GNA15: variants seen among roughly 807,000 people sequenced by gnomAD.
GNA15 encodes guanine nucleotide-binding protein subunit alpha-15.
In GNA15, 23 loss-of-function variants were observed where a neutral mutation model predicts 40.1. The observed-to-expected ratio is 0.57, with a 90% CI of 0.41 to 0.81. The LOEUF (loss-of-function observed/expected upper bound fraction) is 0.81, where lower values mean the gene tolerates loss of function less well. Ranked by LOEUF, GNA15 falls within the 40% of genes least tolerant of loss-of-function variation. The probability of loss-of-function intolerance (pLI) is 0.00; values close to 1 mark genes in which losing one functional copy is unlikely to be tolerated. For missense variants in GNA15, 522 were observed against 515.8 expected (o/e 1.01, Z -0.12); for synonymous variants, 226 against 210.4 (o/e 1.07, Z -0.64).
chr19:3,150,379 C>T (rs958788197), intron 3 of GNA15, 94 bp downstream of exon 3: 12 of 1,096,854 alleles, frequency 1.1e-5, no homozygotes, highest in African/African-American at 1.6e-5. Flanking sequence ...ATATTGTGGG[C>T]GCAGATGGGC....
chr19:3,150,778 C>T (rs1489552505), intron 3 of GNA15, among the ~76,000 whole-genome samples: 1 of 151,650 alleles, frequency 6.6e-6, no homozygotes, highest in Non-Finnish European at 1.5e-5. Context: ...GAACCCTGAT[C>T]CTGGGGGGAA....
At position 3,150,225 on chromosome 19, in the gene GNA15, C is replaced by A; in HGVS notation, c.425C>A (p.Ala142Asp). 1 of 1,610,738 alleles carries A rather than the reference C, an allele frequency of 6.2e-7. No individual in the cohort carries two copies. The highest frequency in any genetic ancestry group is 1.1e-5 in the South Asian group (1 of 90,864). ...AAAMQWLWRD[A>D]GIRACYERRR... is the part of the protein sequence containing the mutation. ...GCCATGCAGTGGCTGTGGAGGGATG[C>A]CGGCATCCGGGCCTGCTATGAGCGT... Residue 142 changes from alanine (A) to aspartate (D), a missense_variant, in exon 3 of 7, where the codon GCC becomes GAC. By Grantham distance (126) the Ala-to-Asp change is moderately radical (BLOSUM62 -2). Coordinates refer to ENST00000262958, the MANE Select transcript of GNA15 (RefSeq NM_002068.4).
At chr19:3,160,937 CTTTTTTTTTT>C (rs149959587) in intron 6 of GNA15, among the ~76,000 whole-genome samples, 1 of 101,458 alleles carries the variant, frequency 9.9e-6, no homozygotes, top group African/African-American at 4.5e-5. Flanking sequence ...GGTATGACCA[CTTTTTTTTTT>C]TTTTTTTTTT....
chr19:3,157,587 G>T, intron 5 of GNA15, 141 bp from the exon 6 acceptor site: 1 of 680,746 alleles, frequency 1.5e-6, no homozygotes, highest in South Asian at 1.9e-5. Flanking sequence ...ATGGAAACAC[G>T]GGCACACCCG....
intron 6 of GNA15, among the ~76,000 whole-genome samples, chr19:3,162,047 AATAATAATG>A (rs1915149389): frequency 6.6e-6 from 1 of 151,490 alleles, no homozygotes; most frequent in South Asian, 2.1e-4. Context: ...TAATAATAAT[AATAATAATG>A]ATAATAATAA....
chr19:3,159,576 C>A (rs982788610), intron 6 of GNA15, among the ~76,000 whole-genome samples: 12 of 151,438 alleles, frequency 7.9e-5, no homozygotes, highest in African/African-American at 2.7e-4. Flanking sequence ...AACTCCCGAC[C>A]TCAGGTGATC....
intron 1 of GNA15, among the ~76,000 whole-genome samples, chr19:3,145,359 A>ATATTTTTTTT: frequency 2.1e-5 from 1 of 46,972 alleles, no homozygotes; most frequent in African/African-American, 9.2e-5. Context: ...ATATATATAT[A>ATATTTTTTTT]TTTTTTTTTT....
chr19:3,156,513 C>G (rs1172032837), intron 5 of GNA15, among the ~76,000 whole-genome samples: 1 of 152,064 alleles, frequency 6.6e-6, no homozygotes, highest in Non-Finnish European at 1.5e-5. Flanking sequence ...CATGCGTGCA[C>G]ACACACATGC....
rs1345791697 is a variant in GNA15 at position 3,150,255 on chromosome 19, G to T, written c.455G>T (p.Arg152Leu). The change falls in exon 3 of 7, where the codon CGG becomes CTG. Residue 152 changes from arginine (R) to leucine (L), a missense_variant. Arg to Leu is a moderately radical substitution (Grantham distance 102). Coordinates refer to ENST00000262958, the MANE Select transcript of GNA15 (RefSeq NM_002068.4). ...ATCCGGGCCTGCTATGAGCGTCGGC[G>T]GGAATTCCACCTGCTCGATTCAGCC... ...AGIRACYERR[R>L]EFHLLDSAVY... The T allele has an allele frequency of 6.2e-7, 1 of 1,604,786 alleles. No homozygotes were observed. Among genetic ancestry groups the T allele is most frequent in the African/African-American group, 1.3e-5 (1 of 74,736 alleles).
At chr19:3,144,004 G>A (rs780869969) in intron 1 of GNA15, among the ~76,000 whole-genome samples, 24 of 151,478 alleles carry the variant, frequency 1.6e-4, no homozygotes, top group Admixed American at 4.0e-4. Flanking sequence ...GGCGCCTGTC[G>A]TCCCAGCTGC....
intron 1 of GNA15, among the ~76,000 whole-genome samples, chr19:3,143,869 C>A (rs1382359421): frequency 6.6e-6 from 1 of 151,702 alleles, no homozygotes; most frequent in Non-Finnish European, 1.5e-5. Flanking sequence ...GCCTGTAATC[C>A]CAGCACTTTG....
rs559046303 is a variant in GNA15, at chr19:3,144,771, G to A, written c.146-3820G>A. On this transcript the variant is annotated intron_variant, in intron 1 of 6. Coordinates refer to ENST00000262958, the MANE Select transcript of GNA15 (RefSeq NM_002068.4). Reference sequence around the variant, plus strand: ...TCTCGATCTCCTGACCTCGTGATCCGCCCGCCTTGGCCTCCCATAGTGCTG... The same window carrying A: ...TCTCGATCTCCTGACCTCGTGATCCACCCGCCTTGGCCTCCCATAGTGCTG... Among the ~76,000 whole-genome samples the A allele has an allele frequency of 7.0e-3, 1,061 of 151,172 alleles. 11 individuals are homozygous for A. The highest frequency in any genetic ancestry group is 0.023 in the African/African-American group (968 of 41,202).
chr19:3,148,484 G>A, intron 1 of GNA15, 107 bp from the exon 2 acceptor site: 1 of 1,139,760 alleles, frequency 8.8e-7, no homozygotes, highest in Non-Finnish European at 1.2e-6. Context: ...ACCGGGGTTT[G>A]AACCCAGGAG....
intron 1 of GNA15, among the ~76,000 whole-genome samples, chr19:3,147,272 G>T (rs1280848819): frequency 6.6e-6 from 1 of 152,182 alleles, no homozygotes; most frequent in African/African-American, 2.4e-5. Flanking sequence ...ATAAAAATAG[G>T]CCAGGCACGG....
Position 3,148,650 on chromosome 19 carries a change from G to C in GNA15, c.205G>C (p.Gly69Arg). Reference sequence around the variant, plus strand: ...GCAGATGCGGATCATCCACGGCGCCGGCTACTCGGAGGAGGAGCGCAAGGG... The same window carrying C: ...GCAGATGCGGATCATCCACGGCGCCCGCTACTCGGAGGAGGAGCGCAAGGG... Reference protein sequence around the residue: ...IKQMRIIHGAGYSEEERKGFR... With the variant: ...IKQMRIIHGARYSEEERKGFR... The change falls in exon 2 of 7, where the codon GGC (glycine) becomes CGC (arginine). Residue 69 changes from glycine (G) to arginine (R), a missense_variant. Physicochemically the swap from Gly to Arg is moderately radical, Grantham distance 125. Coordinates refer to ENST00000262958, the MANE Select transcript of GNA15 (RefSeq NM_002068.4). The C allele has an allele frequency of 6.3e-7, 1 of 1,589,702 alleles. No individual in the cohort carries two copies. Among genetic ancestry groups the C allele is most frequent in the Non-Finnish European group, 8.6e-7 (1 of 1,167,986 alleles).
At chr19:3,140,823 G>A (rs1448633091) in intron 1 of GNA15, among the ~76,000 whole-genome samples, 3 of 152,186 alleles carry the variant, frequency 2.0e-5, no homozygotes, top group Non-Finnish European at 4.4e-5. Flanking sequence ...TCCTGGAGCT[G>A]GGAAAGTCCC....
intron 1 of GNA15, chr19:3,146,265 A>G (rs578175021): frequency 6.6e-6 from 1 of 152,346 alleles, no homozygotes; most frequent in Non-Finnish European, 1.5e-5. Context: ...ATGCTGGGCA[A>G]GCCTCCAGCC....
chr19:3,160,345 C>T (rs914736823), intron 6 of GNA15, among the ~76,000 whole-genome samples: 3 of 152,196 alleles, frequency 2.0e-5, no homozygotes, highest in Admixed American at 2.0e-4. Flanking sequence ...CCCCTGTTCT[C>T]TCTGTCTCCA....
chr19:3,139,138 G>A (rs1914521703), intron 1 of GNA15, among the ~76,000 whole-genome samples: 1 of 151,154 alleles, frequency 6.6e-6, no homozygotes, highest in African/African-American at 2.4e-5. Context: ...TAGAGATGGG[G>A]TTTCACCATG....
Sources: allele counts gnomAD v4.1 joint callset (sites outside exome capture counted in the v4.1 genomes callset), GRCh38; gene constraint gnomAD v4.1.1; transcripts MANE v1.5; gene names NCBI Gene and HGNC (gene_info 2026-07-23, HGNC 2026-07-21).